Variants in GNAT2 observed in about 807,000 individuals in gnomAD.
The protein encoded by GNAT2 is guanine nucleotide-binding protein G(t) subunit alpha-2.
In GNAT2, 32 loss-of-function variants were observed where a neutral mutation model predicts 40.9. The observed-to-expected ratio is 0.78, with a 90% CI of 0.59 to 1.05. GNAT2 has a LOEUF of 1.05. Among genes scored for constraint, GNAT2 ranks in the 50% least tolerant of loss-of-function variants. The probability of loss-of-function intolerance (pLI) is 0.00; values close to 1 mark genes in which losing one functional copy is unlikely to be tolerated. For missense variants in GNAT2, 355 were observed against 431.5 expected, an observed-to-expected ratio of 0.82 and a Z score of 1.57; for synonymous variants, 141 against 157.2, an observed-to-expected ratio of 0.90 and a Z score of 0.77.
chr1:109,616,947 G>A, intron 1 of GNAT2: 1 of 152,328 alleles, frequency 6.6e-6, no homozygotes, highest in South Asian at 2.1e-4. Flanking sequence ...GGAAATTGGA[G>A]CCAGCCAGTG....
intron 1 of GNAT2, among the ~76,000 whole-genome samples, chr1:109,618,826 C>T (rs1034238736): frequency 2.6e-5 from 4 of 152,062 alleles, no homozygotes; most frequent in Admixed American, 2.6e-4. Flanking sequence ...ATGGAAGTGG[C>T]ACCAGATGCA....
chr1:109,604,692 G>A (rs1216925441), intron 7 of GNAT2: 1 of 159,912 alleles, frequency 6.3e-6, no homozygotes, highest in East Asian at 1.8e-4. Flanking sequence ...GCTACTTAGC[G>A]AGAAGTCGGG....
At chr1:109,606,161 G>T in intron 6 of GNAT2, 62 bp from the exon 7 acceptor site, 1 of 1,596,058 alleles carries the variant, frequency 6.3e-7, no homozygotes, top group Non-Finnish European at 8.6e-7. Flanking sequence ...TGCCTTTGAT[G>T]GTCACCCCGT....
At chr1:109,619,140 G>C (rs950327015) in intron 1 of GNAT2, among the ~76,000 whole-genome samples, 9 of 152,182 alleles carry the variant, frequency 5.9e-5, no homozygotes, top group African/African-American at 2.2e-4. Context: ...CCCCAGAACG[G>C]CTGCAAGTGA....
Position 109,604,034 on chromosome 1 carries a change from A to G in GNAT2, c.791T>C (p.Ile264Thr). Residue 264 changes from isoleucine to threonine, a missense_variant, in exon 8 of 9, where the codon ATT becomes ACT. Physicochemically the swap from Ile to Thr is moderately conservative, Grantham distance 89. Coordinates refer to ENST00000679935, the MANE Select transcript of GNAT2 (RefSeq NM_001377295.2). ...GTCCTTCTTGTTGAGAAAGAGGACA[A>G]TGGAAGTAGCCGCAAAGAATTTGTG... ...CNHKFFAATSIVLFLNKKDLF... is the reference protein window; with the variant it reads ...CNHKFFAATSTVLFLNKKDLF... The G allele has an allele frequency of 2.5e-6, 4 of 1,609,236 alleles. No individual in the cohort carries two copies. The highest frequency in any genetic ancestry group is 3.4e-6 in the Non-Finnish European group (4 of 1,175,502).
At position 109,606,439 on chromosome 1, in the gene GNAT2, A is replaced by G. The variant is rs1649599604; in HGVS notation, c.462-3T>C. On this transcript the variant is annotated splice_polypyrimidine_tract_variant and splice_region_variant and intron_variant, in intron 5 of 8. Coordinates refer to ENST00000679935, the MANE Select transcript of GNAT2 (RefSeq NM_001377295.2). The stretch of plus-strand genomic sequence containing the variant: ...TTCGTTCTAATTGGTTCAGGTAGCT[A>G]GAGAAAAGTGATTAGCATCAATGAC... 3 of 1,612,800 alleles carry G rather than the reference A, an allele frequency of 1.9e-6. No individual in the cohort carries two copies. Among genetic ancestry groups the G allele is most frequent in the Non-Finnish European group, 2.5e-6 (3 of 1,178,784 alleles).
At chr1:109,611,734 A>G (rs1441379090) in intron 2 of GNAT2, 1 of 152,094 alleles carries the variant, frequency 6.6e-6, no homozygotes, top group African/African-American at 2.4e-5. Flanking sequence ...GCTTAGGCTT[A>G]AAAGATCTCT....
intron 5 of GNAT2, 174 bp downstream of exon 5, chr1:109,608,457 A>G (rs1463962174): frequency 1.4e-6 from 1 of 691,448 alleles, no homozygotes; most frequent in African/African-American, 1.8e-5. Context: ...CCATAGCATT[A>G]AATTCAAAAC....
chr1:109,608,566 C>T, intron 5 of GNAT2, 65 bp downstream of exon 5: 2 of 1,516,348 alleles, frequency 1.3e-6, no homozygotes, highest in African/African-American at 1.4e-5. Context: ...TTTCTCCCAA[C>T]CAGAGAGAAG....
Position 109,608,806 on chromosome 1 carries a change from G to T in GNAT2, c.304-18C>A. On this transcript the variant is annotated intron_variant, in intron 4 of 8. Transcript: ENST00000679935. ...CCGTCATCCTGTAATGCAGAAACCTGGTTAAGAACTTCACAGGAGTAATAG... is the reference window on the plus strand; with the variant it reads ...CCGTCATCCTGTAATGCAGAAACCTTGTTAAGAACTTCACAGGAGTAATAG... 1 of 1,610,064 alleles carries T rather than the reference G, an allele frequency of 6.2e-7. No homozygotes were observed. The highest frequency in any genetic ancestry group is 8.5e-7 in the Non-Finnish European group (1 of 1,176,340).
intron 4 of GNAT2, 111 bp from the exon 5 acceptor site, chr1:109,608,899 T>C (rs1649705642): frequency 1.2e-6 from 1 of 843,792 alleles, no homozygotes; most frequent in East Asian, 2.6e-5. Flanking sequence ...AGACCTAAGA[T>C]GGAAGCAGTA....
intron 5 of GNAT2, chr1:109,607,331 T>G (rs978971508): frequency 1.3e-5 from 2 of 151,108 alleles, no homozygotes; most frequent in Non-Finnish European, 2.9e-5. Context: ...GGCGCCAGTA[T>G]CCCCAGCTAC....
Position 109,606,434 on chromosome 1 carries a change from T to C in GNAT2, c.464A>G (p.Tyr155Cys), listed in dbSNP as rs1301091558. 4 of 1,612,878 alleles carry C rather than the reference T, an allele frequency of 2.5e-6. No individual in the cohort carries two copies. The Admixed American group carries it at 6.7e-5, about 27-fold the overall frequency. Residue 155 changes from tyrosine (Y) to cysteine (C), a missense_variant and splice_region_variant, in exon 6 of 9, where the codon TAC (tyrosine) becomes TGC (cysteine). Transcript: ENST00000679935. The stretch of plus-strand genomic sequence containing the variant: ...TGTAATTCGTTCTAATTGGTTCAGG[T>C]AGCTAGAGAAAAGTGATTAGCATCA... ...EYQLNDSASYYLNQLERITDP... is the reference protein window; with the variant it reads ...EYQLNDSASYCLNQLERITDP...
At chr1:109,613,519 C>A (rs1004740375) in intron 1 of GNAT2, 4 of 160,760 alleles carry the variant, frequency 2.5e-5, no homozygotes, top group African/African-American at 4.8e-5. Flanking sequence ...AAGCTACTAG[C>A]ATTGTTCCTT....
Position 109,610,247 on chromosome 1 carries a change from T to G in GNAT2, c.162-66A>C, listed in dbSNP as rs530654365. The stretch of plus-strand genomic sequence containing the variant: ...AACCAGACCTAAGGGATTAGGAATT[T>G]GGGGGTATTTAAAGGATCATAAGAA... On this transcript the variant is annotated intron_variant, in intron 3 of 8. Transcript: ENST00000679935. 1.0e-4 allele frequency: 158 copies of G among 1,537,212 alleles called. 1 individual carries two copies. The highest frequency in any genetic ancestry group is 1.7e-5 in the Non-Finnish European group (19 of 1,110,764).
chr1:109,612,527 GA>G (rs1649829241), intron 2 of GNAT2: 11 of 555,442 alleles, frequency 2.0e-5, no homozygotes, highest in South Asian at 1.5e-4. Flanking sequence ...CTCAAGAGTA[GA>G]AAAACTCTGG....
Position 109,605,986 on chromosome 1 carries a change from A to G in GNAT2, c.704T>C (p.Val235Ala), listed in dbSNP as rs1322188836. The G allele has an allele frequency of 6.2e-7, 1 of 1,613,660 alleles. No individual in the cohort carries two copies. Among genetic ancestry groups the G allele is most frequent in the African/African-American group, 1.3e-5 (1 of 74,916 alleles). The change falls in exon 7 of 9, where the codon GTG becomes GCG. Residue 235 changes from valine to alanine, a missense_variant. Transcript: ENST00000679935. ...AALSAYDMVL[V>A]EDDEVNRMHE... ...GCCACTCACCACTTCGTCATCTTCC[A>G]CCAGCACCATATCATAGGCACTGAG... is the stretch of plus-strand genomic sequence containing the variant.
At chr1:109,613,909 G>C (rs1649875040) in intron 1 of GNAT2, 2 of 152,210 alleles carry the variant, frequency 1.3e-5, no homozygotes. Flanking sequence ...GGTTGGGGCA[G>C]CTCTCTCTCC....
intron 5 of GNAT2, chr1:109,608,197 A>G (rs955572454): frequency 3.5e-6 from 1 of 283,660 alleles, no homozygotes; most frequent in African/African-American, 2.2e-5. Flanking sequence ...TAGATCCTAG[A>G]TTACCAGATA....
Sources: gnomAD v4.1 joint callset for allele counts (sites outside exome capture counted in the v4.1 genomes callset) on GRCh38, gnomAD v4.1.1 for gene constraint, MANE v1.5 for transcripts, NCBI Gene and HGNC (gene_info 2026-07-23, HGNC 2026-07-21) for gene names.